TENM2: variants seen among roughly 807,000 people sequenced by gnomAD.
The protein encoded by TENM2 is teneurin transmembrane protein 2, also known as teneurin-2.
Under a neutral mutation model 245.2 loss-of-function variants are expected in TENM2, and 52 were observed. The observed-to-expected ratio is 0.21, with a 90% CI of 0.17 to 0.27. TENM2 has a LOEUF of 0.27. Ranked by LOEUF, TENM2 falls within the 10% of genes least tolerant of loss-of-function variation. The probability of loss-of-function intolerance (pLI) is 1.00; values close to 1 mark genes in which losing one functional copy is unlikely to be tolerated. For synonymous variants in TENM2, 1,363 were observed against 1,438.9 expected, an observed-to-expected ratio of 0.95 and a Z score of 1.19; for missense variants, 3,046 against 3,666.8, an observed-to-expected ratio of 0.83 and a Z score of 4.37.
chr5:168,148,801 C>T (rs1186822576), intron 12 of TENM2, among the ~76,000 whole-genome samples: 1 of 151,940 alleles, frequency 6.6e-6, no homozygotes, highest in African/African-American at 2.4e-5. Context: ...TTTGTGACCG[C>T]ATCTTCACAG....
chr5:167,873,958 T>C (rs1773198778), intron 2 of TENM2, among the ~76,000 whole-genome samples: 1 of 152,148 alleles, frequency 6.6e-6, no homozygotes, highest in African/African-American at 2.4e-5. Flanking sequence ...GTATCTCATC[T>C]CCTATCTCTG....
At chr5:167,003,207 A>C in the TENM2 span, among the ~76,000 whole-genome samples, 1 of 151,956 alleles carries the variant, frequency 6.6e-6, no homozygotes, top group African/African-American at 2.4e-5. Context: ...TAAATTAAAC[A>C]GACATGATAA....
At chr5:167,292,877 T>G (rs1329204645) in intron 1 of TENM2, among the ~76,000 whole-genome samples, 1 of 152,180 alleles carries the variant, frequency 6.6e-6, no homozygotes, top group Non-Finnish European at 1.5e-5. Context: ...TGCATACATT[T>G]GAGGGATGGG....
the TENM2 span, chr5:167,116,790 C>T: frequency 2.0e-5 from 3 of 152,064 alleles, no homozygotes; most frequent in Non-Finnish European, 4.4e-5. Context: ...ACTCATCTGG[C>T]CTTTCAATTA....
chr5:167,703,807 G>C (rs1758325947), intron 2 of TENM2, among the ~76,000 whole-genome samples: 1 of 152,148 alleles, frequency 6.6e-6, no homozygotes, highest in Admixed American at 6.5e-5. Context: ...GTAGCAATTA[G>C]TTTTCTGCTA....
intron 2 of TENM2, among the ~76,000 whole-genome samples, chr5:167,600,650 C>G (rs992541365): frequency 1.3e-5 from 2 of 152,188 alleles, no homozygotes; most frequent in East Asian, 1.9e-4. Context: ...AACTCTTTCT[C>G]TAGGGCCTCA....
chr5:168,047,840 C>A (rs948216658), intron 6 of TENM2, among the ~76,000 whole-genome samples: 2 of 152,184 alleles, frequency 1.3e-5, no homozygotes, highest in Non-Finnish European at 2.9e-5. Context: ...TTGAAAGCAT[C>A]CCAGGGCCTG....
At chr5:167,017,240 C>A in the TENM2 span, among the ~76,000 whole-genome samples, 1 of 152,160 alleles carries the variant, frequency 6.6e-6, no homozygotes, top group African/African-American at 2.4e-5. Flanking sequence ...ATATCCAGGT[C>A]TTTTTCATTT....
intron 1 of TENM2, among the ~76,000 whole-genome samples, chr5:167,350,262 G>C (rs1313145462): frequency 1.3e-5 from 2 of 152,024 alleles, no homozygotes; most frequent in African/African-American, 4.8e-5. Context: ...ATTGGCATCA[G>C]CCAACTCACA....
chr5:167,936,035 A>G (rs1282264644), intron 3 of TENM2, among the ~76,000 whole-genome samples: 2 of 152,070 alleles, frequency 1.3e-5, no homozygotes, highest in African/African-American at 4.8e-5. Flanking sequence ...CCCAGAATGA[A>G]CCCCTTCTAC....
chr5:167,221,574 A>G, the TENM2 span, among the ~76,000 whole-genome samples: 1 of 152,192 alleles, frequency 6.6e-6, no homozygotes. Context: ...AATCCAAGGA[A>G]AAACAAATAC....
the TENM2 span, among the ~76,000 whole-genome samples, chr5:167,241,860 C>G: frequency 1.3e-4 from 20 of 152,088 alleles, no homozygotes; most frequent in African/African-American, 4.3e-4. Flanking sequence ...AATAGAGTAA[C>G]GGTTGATGGC....
chr5:167,301,066 G>A (rs965701467), intron 1 of TENM2, among the ~76,000 whole-genome samples: 3 of 152,106 alleles, frequency 2.0e-5, no homozygotes, highest in Non-Finnish European at 4.4e-5. Context: ...AGAAGGGGAC[G>A]GACTTACTTT....
downstream of TENM2, chr5:168,263,970 C>G (rs1280661422): frequency 6.6e-6 from 1 of 151,884 alleles, no homozygotes; most frequent in African/African-American, 2.4e-5. Context: ...ATTAAAAAAA[C>G]AAAAATAAAG....
chr5:167,462,175 A>AC (rs1475191708), intron 2 of TENM2, among the ~76,000 whole-genome samples: 843 of 52,898 alleles, frequency 0.016, 4 homozygotes, highest in African/African-American at 0.045. Context: ...GAGTTCCCTG[A>AC]CCCCCACCCC....
At chr5:167,103,756 C>T in the TENM2 span, among the ~76,000 whole-genome samples, 1 of 152,088 alleles carries the variant, frequency 6.6e-6, no homozygotes, top group Non-Finnish European at 1.5e-5. Flanking sequence ...TTTTACACTC[C>T]TTGGACTACA....
At chr5:167,512,242 G>C (rs1442066580) in intron 2 of TENM2, among the ~76,000 whole-genome samples, 1 of 152,146 alleles carries the variant, frequency 6.6e-6, no homozygotes, top group Non-Finnish European at 1.5e-5. Flanking sequence ...GCATGTTTTG[G>C]TGCTTGGATG....
In TENM2 at chr5:167,542,839, C is replaced by T. The variant is rs6866884; in HGVS notation, c.502+167366C>T. Reference sequence around the variant, plus strand: ...ACACAAGATGGCCTGAATAACTGGACGTCACAGTTATTTCTTGCTTTGGAC... The same window carrying T: ...ACACAAGATGGCCTGAATAACTGGATGTCACAGTTATTTCTTGCTTTGGAC... On this transcript the variant is annotated intron_variant, in intron 2 of 28. Transcript: ENST00000518659. 8.8e-3 allele frequency among the ~76,000 whole-genome samples: 1,335 copies of T among 152,154 alleles called. 21 individuals are homozygous for T. The highest frequency in any genetic ancestry group is 0.031 in the African/African-American group (1,284 of 41,490).
intron 2 of TENM2, among the ~76,000 whole-genome samples, chr5:167,649,440 G>A (rs1201144360): frequency 3.9e-5 from 6 of 152,114 alleles, no homozygotes; most frequent in Admixed American, 3.9e-4. Flanking sequence ...TAATGAACAC[G>A]TTCCCCTAGT....
Sources: gnomAD v4.1 joint callset for allele counts (sites outside exome capture counted in the v4.1 genomes callset) on GRCh38, gnomAD v4.1.1 for gene constraint, MANE v1.5 for transcripts, NCBI Gene and HGNC (gene_info 2026-07-23, HGNC 2026-07-21) for gene names.